Variants in ZAP70 observed in about 807,000 individuals in gnomAD.
ZAP70 encodes zeta chain of T cell receptor associated protein kinase 70.
Under a neutral mutation model 65.8 loss-of-function variants are expected in ZAP70, and 27 were observed. The ratio of observed to expected loss-of-function variants is 0.41; its 90% CI spans 0.30 to 0.57. The LOEUF is 0.57. Ranked by LOEUF, ZAP70 falls within the 20% of genes least tolerant of loss-of-function variation. ZAP70 has a pLI of 0.28. For missense variants in ZAP70, 696 were observed against 870.5 expected, an observed-to-expected ratio of 0.80 and a Z score of 2.52; for synonymous variants, 363 against 360.8, an observed-to-expected ratio of 1.01 and a Z score of -0.07.
chr2:97,735,658 C>G (rs536057783), intron 10 of ZAP70, among the ~76,000 whole-genome samples: 1 of 152,360 alleles, frequency 6.6e-6, no homozygotes, highest in African/African-American at 2.4e-5. Flanking sequence ...TGCACCAGTG[C>G]GGTAATAACA....
At chr2:97,719,856 G>A (rs559306611) in intron 2 of ZAP70, among the ~76,000 whole-genome samples, 5 of 152,128 alleles carry the variant, frequency 3.3e-5, no homozygotes, top group African/African-American at 1.2e-4. Context: ...GCCCTCTGTC[G>A]TCACTCCTTC....
At chr2:97,743,369 CTT>C (rs1016012735), downstream of ZAP70, among the ~76,000 whole-genome samples, 2 of 152,180 alleles carry the variant, frequency 1.3e-5, no homozygotes, top group Admixed American at 6.5e-5. Context: ...AAGTTTTGCT[CTT>C]GTTGCCCAGG....
chr2:97,719,905 C>T (rs940707423), intron 2 of ZAP70, among the ~76,000 whole-genome samples: 5 of 152,130 alleles, frequency 3.3e-5, no homozygotes, highest in African/African-American at 4.8e-5. Context: ...GTGCGTTTTC[C>T]GTCCCTATAG....
At position 97,732,866 on chromosome 2, in the gene ZAP70, C is replaced by T. The variant is rs1559325347; in HGVS notation, c.564-17C>T. 1 of 1,613,706 alleles carries T rather than the reference C, an allele frequency of 6.2e-7. No homozygotes were observed. Among genetic ancestry groups the T allele is most frequent in the South Asian group, 1.1e-5 (1 of 91,068 alleles). On this transcript the variant is annotated splice_polypyrimidine_tract_variant and intron_variant, in intron 4 of 13. Transcript: ENST00000264972. ...CAGGTGGCTCTAGGGGTTACATCCC[C>T]TCCCTTCCCCTGCCAGGCTGAGGCC...
chr2:97,744,200 G>A (rs144954866), downstream of ZAP70, among the ~76,000 whole-genome samples: 57 of 152,278 alleles, frequency 3.7e-4, no homozygotes, highest in Admixed American at 3.1e-3. Flanking sequence ...GCCCTGGCCC[G>A]GTGCTCCCCT....
chr2:97,750,853 A>G, the ZAP70 span, among the ~76,000 whole-genome samples: 1 of 152,202 alleles, frequency 6.6e-6, no homozygotes, highest in Non-Finnish European at 1.5e-5. Flanking sequence ...GAATGGACTT[A>G]GATTAGTCGG....
Position 97,733,136 on chromosome 2 carries a change from T to C in ZAP70, c.714T>C (p.Tyr238=). The C allele has an allele frequency of 1.2e-6, 2 of 1,613,920 alleles. No homozygotes were observed. Among genetic ancestry groups the C allele is most frequent in the Non-Finnish European group, 1.7e-6 (2 of 1,180,006 alleles). ...CCTGCTCCCTGCAGCTGGTGGAGTA[T>C]CTGAAGCTGAAGGCGGACGGGCTCA... ...KFDTLWQLVE[Y]LKLKADGLIY... is the part of the protein sequence containing the mutation. Residue 238 remains tyrosine, a synonymous_variant, in exon 6 of 14, where the codon TAT becomes TAC. Coordinates refer to ENST00000264972, the MANE Select transcript of ZAP70 (RefSeq NM_001079.4).
chr2:97,735,818 C>T (rs1389069730), intron 10 of ZAP70, among the ~76,000 whole-genome samples: 1 of 152,140 alleles, frequency 6.6e-6, no homozygotes, highest in Non-Finnish European at 1.5e-5. Flanking sequence ...TCCAGACCAT[C>T]CTGGCCAACA....
the ZAP70 span, among the ~76,000 whole-genome samples, chr2:97,755,768 T>G: frequency 7.9e-5 from 12 of 152,324 alleles, no homozygotes; most frequent in East Asian, 1.5e-3. Flanking sequence ...TCTCTCCTTT[T>G]CTGTCTTCCT....
chr2:97,727,736 C>T (rs955875143), intron 4 of ZAP70, among the ~76,000 whole-genome samples: 2 of 152,148 alleles, frequency 1.3e-5, no homozygotes, highest in Non-Finnish European at 2.9e-5. Flanking sequence ...TCTCTGTTTT[C>T]CCCCTACATC....
chr2:97,735,220 C>T (rs1165795328), intron 9 of ZAP70, 30 bp from the exon 10 acceptor site: 2 of 1,613,006 alleles, frequency 1.2e-6, no homozygotes, highest in Non-Finnish European at 1.7e-6. Flanking sequence ...TGCCCCTCGC[C>T]CACGTGCCTC....
intron 10 of ZAP70, among the ~76,000 whole-genome samples, chr2:97,735,886 G>C (rs984124141): frequency 1.3e-5 from 2 of 152,086 alleles, no homozygotes; most frequent in Non-Finnish European, 2.9e-5. Context: ...GGTGGTGGGC[G>C]CCTCCCAGCT....
At chr2:97,739,201 GCT>G (rs898447783) in intron 13 of ZAP70, among the ~76,000 whole-genome samples, 172 bp from the exon 14 acceptor site, 5 of 150,648 alleles carry the variant, frequency 3.3e-5, no homozygotes, top group African/African-American at 9.7e-5. Context: ...ATTGCCCAAC[GCT>G]CTCACACCCC....
chr2:97,751,888 C>T, the ZAP70 span, among the ~76,000 whole-genome samples: 1 of 152,190 alleles, frequency 6.6e-6, no homozygotes. Context: ...CACTTAGTCC[C>T]ATGAGAATGG....
intron 4 of ZAP70, among the ~76,000 whole-genome samples, chr2:97,725,495 C>T (rs1677351454): frequency 6.6e-6 from 1 of 152,248 alleles, no homozygotes; most frequent in South Asian, 2.1e-4. Flanking sequence ...CCGCCACCTG[C>T]TGGCTGTGGC....
At chr2:97,755,480 G>A in the ZAP70 span, among the ~76,000 whole-genome samples, 1 of 152,132 alleles carries the variant, frequency 6.6e-6, no homozygotes, top group Non-Finnish European at 1.5e-5. Context: ...ATCCAGCCTG[G>A]CTTTGGGGTA....
chr2:97,748,357 CAAG>C, the ZAP70 span, among the ~76,000 whole-genome samples: 3 of 152,170 alleles, frequency 2.0e-5, no homozygotes, highest in Non-Finnish European at 4.4e-5. Flanking sequence ...TTTCTTTGAT[CAAG>C]AAGAAGCTCT....
the ZAP70 span, among the ~76,000 whole-genome samples, chr2:97,749,371 G>T: frequency 6.6e-6 from 1 of 152,194 alleles, no homozygotes; most frequent in South Asian, 2.1e-4. Context: ...GTCTGTGTGG[G>T]AAAGGAGGGA....
chr2:97,739,267 C>T lies in ZAP70; in HGVS notation c.1737-108C>T, dbSNP rs554861753. 2.6e-5 allele frequency: 40 copies of T among 1,534,568 alleles called. No homozygotes were observed. The African/African-American group carries it at 5.2e-4, about 20-fold the overall frequency. On this transcript the variant is annotated intron_variant, in intron 13 of 13. Coordinates refer to ENST00000264972, the MANE Select transcript of ZAP70 (RefSeq NM_001079.4). ...CCACCCCAACAGCCCTGCTGACTTT[C>T]TGAGCCCCAAAAGTCTACCTCAGCC... is the stretch of plus-strand genomic sequence containing the variant.
Sources: allele counts gnomAD v4.1 joint callset (sites outside exome capture counted in the v4.1 genomes callset), GRCh38; gene constraint gnomAD v4.1.1; transcripts MANE v1.5; gene names NCBI Gene and HGNC (gene_info 2026-07-23, HGNC 2026-07-21).